Variants in CRB2 observed in about 807,000 individuals in gnomAD.
CRB2 encodes the protein crumbs cell polarity complex component 2.
Under a neutral mutation model 110.9 loss-of-function variants are expected in CRB2, and 85 were observed. The observed-to-expected ratio is 0.77, with a 90% CI of 0.64 to 0.92. CRB2 has a LOEUF of 0.92. Ranked by LOEUF, CRB2 falls within the 40% of genes least tolerant of loss-of-function variation. CRB2 has a pLI of 0.00. For synonymous variants in CRB2, 907 were observed against 831.0 expected, an observed-to-expected ratio of 1.09 and a Z score of -1.57; for missense variants, 1,843 against 1,851.3, an observed-to-expected ratio of 1.00 and a Z score of 0.08.
intron 2 of CRB2, among the ~76,000 whole-genome samples, chr9:123,364,828 C>T (rs1309952530): frequency 6.6e-6 from 1 of 152,176 alleles, no homozygotes; most frequent in African/African-American, 2.4e-5. Flanking sequence ...CGTGATTCGC[C>T]CAGGACTGCG....
chr9:123,361,142 G>GGGGGGGC (rs1554781934), intron 1 of CRB2, among the ~76,000 whole-genome samples: 1 of 150,572 alleles, frequency 6.6e-6, no homozygotes, highest in Non-Finnish European at 1.5e-5. Flanking sequence ...CGGGGAGGGG[G>GGGGGGGC]GGGGGTTCCT....
In CRB2 at chr9:123,371,763, C is replaced by A. The variant is rs142485768; in HGVS notation, c.2436+185C>A. Among the ~76,000 whole-genome samples the A allele has an allele frequency of 0.015, 2,334 of 152,254 alleles. 62 individuals carry two copies. The highest frequency in any genetic ancestry group is 0.053 in the African/African-American group (2,187 of 41,528). On this transcript the variant is annotated intron_variant, in intron 8 of 12. Transcript: ENST00000373631. The stretch of plus-strand genomic sequence containing the variant: ...GCAGATTTACATCTGTCTCTTCAGC[C>A]CAGCTGCTCCTACCCTCTGGCGGTC...
At chr9:123,375,020 A>G (rs909969186) in intron 11 of CRB2, among the ~76,000 whole-genome samples, 197 bp from the exon 12 acceptor site, 1 of 151,966 alleles carries the variant, frequency 6.6e-6, no homozygotes, top group Non-Finnish European at 1.5e-5. Context: ...CCGTCACCCT[A>G]ATGGGATGAG....
At chr9:123,356,638 A>T (rs2041802741) in intron 1 of CRB2, among the ~76,000 whole-genome samples, 1 of 146,032 alleles carries the variant, frequency 6.8e-6, no homozygotes, top group South Asian at 2.2e-4. Flanking sequence ...GATGCGGGTG[A>T]GGGATGGGGT....
rs1353702918 is a variant in CRB2 at position 123,375,215 on chromosome 9, A to G, written c.3507-2A>G. 5 of 1,612,718 alleles carry G rather than the reference A, an allele frequency of 3.1e-6. No homozygotes were observed. Among genetic ancestry groups the G allele is most frequent in the Non-Finnish European group, 4.2e-6 (5 of 1,179,508 alleles). ...GCTTTCTCAGCCCCCCTCCCTCTCC[A>G]GGTGTCAGGTCCCCACTCTCCCCTG... is the stretch of plus-strand genomic sequence containing the variant. On this transcript the variant is annotated splice_acceptor_variant, in intron 11 of 12. Transcript: ENST00000373631. LOFTEE classifies it high-confidence loss of function.
At position 123,373,358 on chromosome 9, in the gene CRB2, G is replaced by A; in HGVS notation, c.2827G>A (p.Val943Met). 6.9e-7 allele frequency: 1 copy of A among 1,440,072 alleles called. No homozygotes were observed. Among genetic ancestry groups the A allele is most frequent in the Non-Finnish European group, 9.1e-7 (1 of 1,104,016 alleles). The allele number at this position is 1,440,072 out of a possible 1,614,324, so 89.2% of individuals were successfully genotyped here. A position where few individuals can be genotyped will look rare whatever the true frequency, so the allele number is the denominator to read the frequency against. ...VRGGHGLPGA[V>M]LPIPGPRVAD... ...CGGAGGCCATGGCCTGCCCGGCGCT[G>A]TGCTGCCCATACCGGGGCCGCGCGT... The change falls in exon 10 of 13, where the codon GTG becomes ATG. Residue 943 changes from valine to methionine, a missense_variant. Physicochemically the swap from Val to Met is conservative, Grantham distance 21. Coordinates refer to ENST00000373631, the MANE Select transcript of CRB2 (RefSeq NM_173689.7).
rs2041991183 is a variant in CRB2, at chr9:123,370,099, C to CT, written c.1055-8dup. 1 of 1,571,624 alleles carries CT rather than the reference C, an allele frequency of 6.4e-7. No homozygotes were observed. The highest frequency in any genetic ancestry group is 1.2e-5 in the South Asian group (1 of 82,854). On this transcript the variant is annotated splice_polypyrimidine_tract_variant and intron_variant, in intron 6 of 12. Transcript: ENST00000373631. ...ACATTACTGAACCTTGGCTTTGTCT[C>CT]TCCCAAAGGGCCGACATGTGAGGAA...
In CRB2 at chr9:123,372,326, C is replaced by A; in HGVS notation, c.2586C>A (p.Val862=). 6.2e-7 allele frequency: 1 copy of A among 1,601,022 alleles called. No homozygotes were observed. Among genetic ancestry groups the A allele is most frequent in the Non-Finnish European group, 8.5e-7 (1 of 1,173,260 alleles). ...PCLPPATCEE[V]PDGFVCVAEA... The stretch of plus-strand genomic sequence containing the variant: ...TCCCACCTGCCACGTGTGAGGAGGT[C>A]CCTGATGGCTTTGTGTGTGAGTGTG... The change falls in exon 9 of 13, where the codon GTC becomes GTA. Residue 862 remains valine, a synonymous_variant. Transcript: ENST00000373631.
Position 123,367,221 on chromosome 9 carries a change from C to T in CRB2, c.804C>T (p.Ser268=), listed in dbSNP as rs1390383794. Residue 268 remains serine (S), a synonymous_variant, in exon 5 of 13, where the codon AGC becomes AGT. Coordinates refer to ENST00000373631, the MANE Select transcript of CRB2 (RefSeq NM_173689.7). Reference sequence around the variant, plus strand: ...TGGACGAGGACGAGTGTGCATCGAGCCCCTGCCAGCATGGGGGCCGATGCC... The same window carrying T: ...TGGACGAGGACGAGTGTGCATCGAGTCCCTGCCAGCATGGGGGCCGATGCC... ...CEVDEDECAS[S]PCQHGGRCLQ... The T allele has an allele frequency of 1.9e-6, 3 of 1,599,036 alleles. No individual in the cohort carries two copies. The highest frequency in any genetic ancestry group is 3.5e-5 in the Admixed American group (2 of 57,590).
At chr9:123,357,586 T>G (rs2041814422) in intron 1 of CRB2, among the ~76,000 whole-genome samples, 1 of 142,360 alleles carries the variant, frequency 7.0e-6, no homozygotes, top group African/African-American at 2.6e-5. Context: ...TGGGCTCTGC[T>G]GGCAGGCGAC....
chr9:123,371,516 G>A lies in CRB2; in HGVS notation c.2374G>A (p.Glu792Lys), dbSNP rs772960529. ...ACTGGATAACTCAAGCCAGCCCAGC[G>A]AGCTCGGCGGCAGGCAGTCCTGGAA... ...LPLDNSSQPS[E>K]LGGRQSWNLT... Residue 792 changes from glutamate to lysine, a missense_variant, in exon 8 of 13, where the codon GAG becomes AAG. Transcript: ENST00000373631. The A allele has an allele frequency of 2.2e-5, 36 of 1,613,192 alleles. No homozygotes were observed. In the Middle Eastern group the frequency reaches 8.2e-4, roughly 37 times the overall value.
Position 123,373,519 on chromosome 9 carries a change from G to T in CRB2, c.2988G>T (p.Leu996=). 6.8e-7 allele frequency: 1 copy of T among 1,477,972 alleles called. No individual in the cohort carries two copies. Among genetic ancestry groups the T allele is most frequent in the Non-Finnish European group, 8.9e-7 (1 of 1,121,972 alleles). The allele number at this position is 1,477,972 out of a possible 1,614,324, so 91.6% of individuals were successfully genotyped here. A position where few individuals can be genotyped will look rare whatever the true frequency, so the allele number is the denominator to read the frequency against. ...LRGLASDLGF[L]QGPGAVRILL... ...GCCTGGCCAGTGACCTGGGCTTCCT[G>T]CAGGGCCCGGGTGCTGTGCGCATCC... Residue 996 remains leucine (L), a synonymous_variant, in exon 10 of 13, where the codon CTG becomes CTT. Transcript: ENST00000373631.
At position 123,373,118 on chromosome 9, in the gene CRB2, C is replaced by T; in HGVS notation, c.2603-16C>T. ...AGGCTCCGTGGGCTATTCCCTGAGG[C>T]TCCTTCTCTCCGCAGGTGTGGCGGA... On this transcript the variant is annotated splice_polypyrimidine_tract_variant and intron_variant, in intron 9 of 12. Transcript: ENST00000373631. 1 of 1,481,932 alleles carries T rather than the reference C, an allele frequency of 6.7e-7. No homozygotes were observed. The highest frequency in any genetic ancestry group is 8.9e-7 in the Non-Finnish European group (1 of 1,118,788). The allele number at this position is 1,481,932 out of a possible 1,614,324, so 91.8% of individuals were successfully genotyped here.
At position 123,371,422 on chromosome 9, in the gene CRB2, T is replaced by C; in HGVS notation, c.2280T>C (p.Gly760=). ...TTGCTGCCGACAGCCAGCCCTGGGG[T>C]GGGCCCTTCCGAGGCTGCCTCCAGG... ...RLLAADSQPW[G]GPFRGCLQDL... is the part of the protein sequence containing the mutation. The change falls in exon 8 of 13, where the codon GGT becomes GGC. Residue 760 remains glycine (G), a synonymous_variant. Transcript: ENST00000373631. The C allele has an allele frequency of 6.2e-7, 1 of 1,611,666 alleles. No homozygotes were observed. Among genetic ancestry groups the C allele is most frequent in the South Asian group, 1.1e-5 (1 of 90,876 alleles).
chr9:123,356,214 G>T lies in CRB2; in HGVS notation c.-47G>T. 7.5e-7 allele frequency: 1 copy of T among 1,326,808 alleles called. No homozygotes were observed. The highest frequency in any genetic ancestry group is 9.9e-7 in the Non-Finnish European group (1 of 1,010,884). 82.2% of individuals were successfully genotyped at this position (1,326,808 alleles called of 1,614,324 possible). A position where few individuals can be genotyped will look rare whatever the true frequency, so the allele number is the denominator to read the frequency against. Reference sequence around the variant, plus strand: ...AGGGGGGTGCGGAGCCAGCCAGGCCGCCCTCCCGTTCTCACAGCAGCCGAG... The same window carrying T: ...AGGGGGGTGCGGAGCCAGCCAGGCCTCCCTCCCGTTCTCACAGCAGCCGAG... On this transcript the variant is annotated 5_prime_UTR_variant, in exon 1 of 13. Coordinates refer to ENST00000373631, the MANE Select transcript of CRB2 (RefSeq NM_173689.7).
At chr9:123,369,698 T>G (rs370315779) in intron 6 of CRB2, among the ~76,000 whole-genome samples, 71 of 152,172 alleles carry the variant, frequency 4.7e-4, no homozygotes, top group African/African-American at 1.5e-3. Flanking sequence ...GGGTGAGTGA[T>G]TGGACTTCAG....
rs552496384 is a variant in CRB2, at chr9:123,364,467, C to T, written c.418+1279C>T. ...TGAGTGGGGGCAGCATCTGCCGTGA[C>T]TCATTCTCTCCTCTTTCCATTCCAA... On this transcript the variant is annotated intron_variant, in intron 2 of 12. Transcript: ENST00000373631. 5.3e-5 allele frequency among the ~76,000 whole-genome samples: 8 copies of T among 150,918 alleles called. No homozygotes were observed. The South Asian group carries it at 1.5e-3, about 28-fold the overall frequency.
intron 9 of CRB2, 61 bp downstream of exon 9, chr9:123,372,403 C>T: frequency 6.6e-7 from 1 of 1,526,024 alleles, no homozygotes; most frequent in South Asian, 1.3e-5. Flanking sequence ...TGGTTAGATC[C>T]CATCTGCACT....
chr9:123,374,256 C>G (rs895253980), intron 10 of CRB2, among the ~76,000 whole-genome samples: 1 of 152,128 alleles, frequency 6.6e-6, no homozygotes, highest in Non-Finnish European at 1.5e-5. Flanking sequence ...CAGTGGCTCT[C>G]CCGGGAGCCC....
Sources: gnomAD v4.1 joint callset for allele counts (sites outside exome capture counted in the v4.1 genomes callset) on GRCh38, gnomAD v4.1.1 for gene constraint, MANE v1.5 for transcripts, NCBI Gene and HGNC (gene_info 2026-07-23, HGNC 2026-07-21) for gene names.